F8: variants seen among roughly 807,000 people sequenced by gnomAD.
F8 encodes coagulation factor VIII.
In F8, 12 loss-of-function variants were observed where a neutral mutation model predicts 140.6. That is an observed-to-expected ratio of 0.09 (90% CI 0.05 to 0.14). The LOEUF is 0.14. Ranked by LOEUF, F8 falls within the 10% of genes least tolerant of loss-of-function variation. The pLI, the probability that F8 is intolerant of heterozygous loss-of-function variation, is 1.00. For missense variants in F8, 1,354 were observed against 1,720.7 expected (o/e 0.79, Z 3.77); for synonymous variants, 585 against 614.6 (o/e 0.95, Z 0.71).
intron 9 of F8, among the ~76,000 whole-genome samples, chrX:154,962,847 T>C (rs1014103032): frequency 1.7e-4 from 18 of 107,802 alleles, no homozygotes; most frequent in Non-Finnish European, 2.9e-4. Flanking sequence ...CCAGCCTGGG[T>C]GACAGAATGA....
At chrX:154,920,136 G>A (rs1326692642) in intron 14 of F8, 1 of 139,883 alleles carries the variant, frequency 7.1e-6, no homozygotes, top group Non-Finnish European at 1.5e-5. Context: ...CTTAAGATCT[G>A]AAAGATATTC....
At chrX:154,992,907 A>T in intron 4 of F8, 29 bp downstream of exon 4, 1 of 1,158,222 alleles carries the variant, frequency 8.6e-7, no homozygotes. Flanking sequence ...TGCTTATTTC[A>T]TCTCAATCCT....
intron 25 of F8, among the ~76,000 whole-genome samples, chrX:154,851,790 T>C (rs1056465000): frequency 1.8e-5 from 2 of 111,576 alleles, no homozygotes; most frequent in African/African-American, 6.5e-5. Context: ...GTTCTTTTTA[T>C]ATTCTGGGAT....
intron 25 of F8, among the ~76,000 whole-genome samples, chrX:154,838,701 T>G (rs2072493881): frequency 8.9e-6 from 1 of 111,895 alleles, no homozygotes; most frequent in Non-Finnish European, 1.9e-5. Flanking sequence ...TCCTGGCATC[T>G]TCAAGTGTGG....
intron 4 of F8, among the ~76,000 whole-genome samples, chrX:154,988,180 A>G (rs782636170): frequency 7.1e-5 from 8 of 112,076 alleles, no homozygotes; most frequent in Non-Finnish European, 1.3e-4. Context: ...TACTCAATTG[A>G]GTTGTTTGTT....
intron 11 of F8, among the ~76,000 whole-genome samples, chrX:154,956,287 A>T (rs2073364643): frequency 8.9e-6 from 1 of 111,877 alleles, no homozygotes; most frequent in Non-Finnish European, 1.9e-5. Context: ...TAACGCAATC[A>T]TCACAGGGTC....
In F8 at chrX:154,895,095, C is replaced by T. The variant is rs79833398; in HGVS notation, c.6429+982G>A. 7.8e-3 allele frequency among the ~76,000 whole-genome samples: 870 copies of T among 111,834 alleles called. 36 individuals are homozygous for T. In the East Asian group the frequency reaches 0.15, roughly 19 times the overall value. ...AAGCCACTCTGAGGGAAACAGTGAC[C>T]TTAAGTGGGGAGATACAGTGAACTC... On this transcript the variant is annotated intron_variant, in intron 22 of 25. Coordinates refer to ENST00000360256, the MANE Select transcript of F8 (RefSeq NM_000132.4).
At chrX:154,861,917 G>A in intron 23 of F8, 51 bp from the exon 24 acceptor site, 1 of 1,159,197 alleles carries the variant, frequency 8.6e-7, no homozygotes, top group Non-Finnish European at 1.2e-6. Context: ...TTCAGCCTCA[G>A]TTATACTGAG....
intron 25 of F8, among the ~76,000 whole-genome samples, chrX:154,853,755 C>T (rs2072632381): frequency 9.0e-6 from 1 of 111,568 alleles, no homozygotes; most frequent in Admixed American, 9.6e-5. Context: ...GAAAGGTCTT[C>T]CTTTTTATAT....
intron 11 of F8, among the ~76,000 whole-genome samples, chrX:154,955,105 A>T (rs1569559797): frequency 9.4e-6 from 1 of 106,388 alleles, no homozygotes; most frequent in African/African-American, 3.4e-5. Flanking sequence ...TCCAAATTCT[A>T]GCCATATTTT....
intron 14 of F8, among the ~76,000 whole-genome samples, chrX:154,918,488 G>C (rs1465096886): frequency 1.8e-5 from 2 of 110,593 alleles, no homozygotes; most frequent in African/African-American, 6.6e-5. Context: ...GGGAAAGCTG[G>C]CTCTTCATCT....
chrX:154,906,830 G>A (rs1336511098), intron 14 of F8, among the ~76,000 whole-genome samples: 1 of 112,112 alleles, frequency 8.9e-6, no homozygotes, highest in African/African-American at 3.2e-5. Flanking sequence ...AATATTTGTC[G>A]AATGTTGAAT....
intron 25 of F8, among the ~76,000 whole-genome samples, chrX:154,838,859 G>A (rs782490505): frequency 9.0e-6 from 1 of 110,663 alleles, no homozygotes; most frequent in East Asian, 2.8e-4. Context: ...TTTCCCCCTA[G>A]GTTCCCAACC....
Position 154,845,918 on chromosome X carries a change from C to T in F8, c.6901-8166G>A, listed in dbSNP as rs782454299. ...AATTTTTGATCTTTCCTGCTTTCTC[C>T]TGTGGGCACTTAGTGCTATAAATTT... On this transcript the variant is annotated intron_variant, in intron 25 of 25. Coordinates refer to ENST00000360256, the MANE Select transcript of F8 (RefSeq NM_000132.4). Among the ~76,000 whole-genome samples the T allele has an allele frequency of 8.0e-5, 9 of 111,825 alleles. No homozygotes were observed. In the East Asian group the frequency reaches 2.2e-3, roughly 28 times the overall value.
At chrX:154,957,747 G>A (rs1266282835) in intron 10 of F8, among the ~76,000 whole-genome samples, 1 of 109,020 alleles carries the variant, frequency 9.2e-6, no homozygotes. Context: ...TTAGCCAGGT[G>A]TGGTGGCAGG....
At chrX:155,003,869 G>A (rs888326916) in intron 1 of F8, among the ~76,000 whole-genome samples, 2 of 107,389 alleles carry the variant, frequency 1.9e-5, no homozygotes, top group Admixed American at 2.0e-4. Flanking sequence ...GCTGAGGCAG[G>A]AGAATGGCGT....
At chrX:154,912,931 G>A (rs1309796076) in intron 14 of F8, among the ~76,000 whole-genome samples, 1 of 110,555 alleles carries the variant, frequency 9.0e-6, no homozygotes, top group Non-Finnish European at 1.9e-5. Context: ...CTTACTCACT[G>A]TCATGAGAAC....
At chrX:154,911,364 C>G (rs1156462714) in intron 14 of F8, among the ~76,000 whole-genome samples, 1 of 108,820 alleles carries the variant, frequency 9.2e-6, no homozygotes, top group Non-Finnish European at 1.9e-5. Context: ...CCCACCCCCC[C>G]ATACCATTCC....
intron 25 of F8, among the ~76,000 whole-genome samples, chrX:154,852,748 C>T (rs5987049): frequency 0.013 from 1,388 of 110,485 alleles, 24 homozygotes; most frequent in African/African-American, 0.043. Context: ...AAAAAAATGT[C>T]TTTGGGATTC....
Sources: allele counts gnomAD v4.1 joint callset (sites outside exome capture counted in the v4.1 genomes callset), GRCh38; gene constraint gnomAD v4.1.1; transcripts MANE v1.5; gene names NCBI Gene and HGNC (gene_info 2026-07-23, HGNC 2026-07-21).